Variants in ZSCAN1 observed in about 807,000 individuals in gnomAD.
ZSCAN1 encodes zinc finger and SCAN domain containing 1.
In ZSCAN1, 23 loss-of-function variants were observed where a neutral mutation model predicts 23.8. The ratio of observed to expected loss-of-function variants is 0.97; its 90% confidence interval spans 0.70 to 1.37. The LOEUF (loss-of-function observed/expected upper bound fraction) is 1.37. Ranked by LOEUF, ZSCAN1 falls within the 40% of genes most tolerant of loss-of-function variation. The pLI is 0.00. For synonymous variants in ZSCAN1, 236 were observed against 232.3 expected, an observed-to-expected ratio of 1.02 and a Z score of -0.15; for missense variants, 575 against 554.0, an observed-to-expected ratio of 1.04 and a Z score of -0.38.
intron 4 of ZSCAN1, among the ~76,000 whole-genome samples, chr19:58,048,632 A>G (rs1015769560): frequency 1.3e-5 from 2 of 152,140 alleles, no homozygotes; most frequent in African/African-American, 4.8e-5. Context: ...TAATTTTTGT[A>G]CTTTTAGTAG....
chr19:58,044,611 C>G (rs1406356661), intron 4 of ZSCAN1: 3 of 1,046,464 alleles, frequency 2.9e-6, no homozygotes, highest in Non-Finnish European at 4.2e-6. Flanking sequence ...TAATGAGGAG[C>G]TGCCGCGGCT....
intron 4 of ZSCAN1, among the ~76,000 whole-genome samples, chr19:58,044,149 G>GT (rs1042707432): frequency 4.6e-5 from 7 of 151,972 alleles, no homozygotes; most frequent in African/African-American, 1.7e-4. Context: ...GTGTGCACCT[G>GT]TAAGTCCAGC....
chr19:58,044,494 T>A, intron 4 of ZSCAN1: 1 of 395,006 alleles, frequency 2.5e-6, no homozygotes, highest in Non-Finnish European at 4.5e-6. Flanking sequence ...GGACGGCGCC[T>A]GAGGAGCCAC....
At chr19:58,052,922 A>C (rs2073867496) in intron 5 of ZSCAN1, among the ~76,000 whole-genome samples, 1 of 151,060 alleles carries the variant, frequency 6.6e-6, no homozygotes, top group African/African-American at 2.4e-5. Context: ...AGGTAGGAAC[A>C]AGGGCCAGTG....
chr19:58,042,040 A>G (rs2073792741), intron 4 of ZSCAN1, among the ~76,000 whole-genome samples: 1 of 152,226 alleles, frequency 6.6e-6, no homozygotes, highest in Non-Finnish European at 1.5e-5. Flanking sequence ...GGAACAGGCT[A>G]TGACCTAATG....
At chr19:58,050,565 G>A (rs1293389150) in intron 4 of ZSCAN1, among the ~76,000 whole-genome samples, 1 of 152,084 alleles carries the variant, frequency 6.6e-6, no homozygotes, top group East Asian at 1.9e-4. Context: ...TCTGTCGCCA[G>A]GCTGCAGTGC....
Position 58,038,204 on chromosome 19 carries a change from A to T in ZSCAN1, c.368A>T (p.Glu123Val). 1 of 1,604,438 alleles carries T rather than the reference A, an allele frequency of 6.2e-7. No individual in the cohort carries two copies. The highest frequency in any genetic ancestry group is 8.5e-7 in the Non-Finnish European group (1 of 1,177,288). The part of the protein sequence containing the change: ...VEDLTQMCQQ[E>V]VLVSLDSVEP... Reference sequence around the variant, plus strand: ...GACCTCACACAGATGTGCCAGCAGGAAGGTGAGAGGCGCAGGCTTCCTGCC... The same window carrying T: ...GACCTCACACAGATGTGCCAGCAGGTAGGTGAGAGGCGCAGGCTTCCTGCC... The change falls in exon 3 of 6, where the codon GAA becomes GTA. Residue 123 changes from glutamate (E) to valine (V), a missense_variant and splice_region_variant. Glu to Val is a moderately radical substitution (Grantham distance 121). Coordinates refer to ENST00000282326, the MANE Select transcript of ZSCAN1 (RefSeq NM_182572.4).
chr19:58,052,850 A>G lies in ZSCAN1; in HGVS notation c.604+222A>G, dbSNP rs2073866764. Among the ~76,000 whole-genome samples, 5 of 152,262 alleles carry G rather than the reference A, an allele frequency of 3.3e-5. No individual in the cohort carries two copies. In the South Asian group the frequency reaches 1.0e-3, roughly 32 times the overall value. On this transcript the variant is annotated intron_variant, in intron 5 of 5. Coordinates refer to ENST00000282326, the MANE Select transcript of ZSCAN1 (RefSeq NM_182572.4). ...AGAAGGGCCTCAGCCTCCGCACCTG[A>G]ACGGCAGCCAAGGCAGACAGTCTGA...
At chr19:58,048,244 G>T (rs1437678132) in intron 4 of ZSCAN1, among the ~76,000 whole-genome samples, 1 of 152,070 alleles carries the variant, frequency 6.6e-6, no homozygotes, top group Non-Finnish European at 1.5e-5. Flanking sequence ...TAATATTTAT[G>T]AATTCTCAAA....
rs2073871562 is a variant in ZSCAN1, at chr19:58,053,475, T to C, written c.651T>C (p.Pro217=). 6.2e-7 allele frequency: 1 copy of C among 1,613,756 alleles called. No homozygotes were observed. The highest frequency in any genetic ancestry group is 1.3e-5 in the African/African-American group (1 of 74,900). The change falls in exon 6 of 6, where the codon CCT becomes CCC. Residue 217 remains proline, a synonymous_variant. Transcript: ENST00000282326. This position sits in a 1 kb window ranked among gnomAD's most constrained non-coding sequence, Gnocchi z 5.8. ...LPLKPSIWDE[P]EDLLAGPSSD... is the part of the protein sequence containing the mutation. ...TGAAGCCGAGTATCTGGGACGAGCC[T>C]GAGGACCTTCTCGCAGGGCCCTCCT...
At chr19:58,051,375 A>C (rs1471186334) in intron 4 of ZSCAN1, among the ~76,000 whole-genome samples, 1 of 152,220 alleles carries the variant, frequency 6.6e-6, no homozygotes, top group Non-Finnish European at 1.5e-5. Flanking sequence ...AGAAATAAAA[A>C]TCAATAACCC....
chr19:58,038,308 C>T (rs1250005425), intron 3 of ZSCAN1, 102 bp downstream of exon 3: 10 of 1,449,450 alleles, frequency 6.9e-6, no homozygotes, highest in African/African-American at 1.4e-5. Context: ...CACCCCTGCC[C>T]GGCCCCTCCC....
intron 4 of ZSCAN1, chr19:58,044,790 T>C: frequency 1.4e-6 from 1 of 725,666 alleles, no homozygotes; most frequent in Non-Finnish European, 2.5e-6. Flanking sequence ...TCAGAGGCGA[T>C]CACCTCAGCT....
In ZSCAN1 at chr19:58,040,993, C is replaced by T. The variant is rs977852545; in HGVS notation, c.465+449C>T. 6.6e-5 allele frequency among the ~76,000 whole-genome samples: 10 copies of T among 152,294 alleles called. No individual in the cohort carries two copies. The highest frequency in any genetic ancestry group is 1.9e-4 in the East Asian group (1 of 5,182). On this transcript the variant is annotated intron_variant, in intron 4 of 5. Coordinates refer to ENST00000282326, the MANE Select transcript of ZSCAN1 (RefSeq NM_182572.4). The surrounding 1 kb of genome is among the most constrained non-coding windows in gnomAD (Gnocchi z 5.8). ...AGGCCTCAAGGCGACGGGAGGGGCCCGGCTCGGTTGGGAGCCAAGCGGATC... is the reference window on the plus strand; with the variant it reads ...AGGCCTCAAGGCGACGGGAGGGGCCTGGCTCGGTTGGGAGCCAAGCGGATC...
At chr19:58,039,819 C>T (rs2073772909) in intron 3 of ZSCAN1, among the ~76,000 whole-genome samples, 1 of 151,772 alleles carries the variant, frequency 6.6e-6, no homozygotes, top group African/African-American at 2.4e-5. Flanking sequence ...TCAGCTGAAC[C>T]CCCATGCACG....
At chr19:58,044,833 G>C in intron 4 of ZSCAN1, 1 of 752,920 alleles carries the variant, frequency 1.3e-6, no homozygotes, top group Non-Finnish European at 2.4e-6. Context: ...CCTTCGCACC[G>C]TGTCGAGAGC....
intron 3 of ZSCAN1, 91 bp downstream of exon 3, chr19:58,038,297 C>T (rs1187075647): frequency 6.7e-7 from 1 of 1,489,680 alleles, no homozygotes; most frequent in East Asian, 2.5e-5. Flanking sequence ...CACATCGCTC[C>T]CACCCCTGCC....
At position 58,053,470 on chromosome 19, in the gene ZSCAN1, G is replaced by A. The variant is rs374458811; in HGVS notation, c.646G>A (p.Glu216Lys). The A allele has an allele frequency of 3.2e-5, 51 of 1,613,246 alleles. No homozygotes were observed. The highest frequency in any genetic ancestry group is 3.3e-4 in the Middle Eastern group (2 of 6,082). Residue 216 changes from glutamate (E) to lysine (K), a missense_variant, in exon 6 of 6, where the codon GAG becomes AAG. Physicochemically the swap from Glu to Lys is moderately conservative, Grantham distance 56. Transcript: ENST00000282326. The surrounding 1 kb of genome is among the most constrained non-coding windows in gnomAD (Gnocchi z 5.8). ...RLPLKPSIWDEPEDLLAGPSS... is the reference protein window; with the variant it reads ...RLPLKPSIWDKPEDLLAGPSS... ...GCCTCTGAAGCCGAGTATCTGGGAC[G>A]AGCCTGAGGACCTTCTCGCAGGGCC...
intron 1 of ZSCAN1, chr19:58,035,638 TAA>T (rs1158089985): frequency 5.3e-5 from 8 of 152,218 alleles, no homozygotes; most frequent in African/African-American, 1.7e-4. Context: ...GAATACAACA[TAA>T]GAGAGCATTT....
Sources: gnomAD v4.1 joint callset for allele counts (sites outside exome capture counted in the v4.1 genomes callset) on GRCh38, gnomAD v4.1.1 for gene constraint, Gnocchi (gnomAD v3.1) non-coding constraint, MANE v1.5 for transcripts, NCBI Gene and HGNC (gene_info 2026-07-23, HGNC 2026-07-21) for gene names.